Variants in SLC12A8 observed in about 807,000 individuals in gnomAD.
SLC12A8 encodes cation-chloride cotransporter 9.
In SLC12A8, 69 loss-of-function variants were observed where a neutral mutation model predicts 75.6. The ratio of observed to expected loss-of-function variants is 0.91; its 90% CI spans 0.75 to 1.11. SLC12A8 has a LOEUF of 1.11. Among genes scored for constraint, SLC12A8 ranks in the 50% most tolerant of loss-of-function variants. SLC12A8 has a pLI of 0.00. For missense variants in SLC12A8, 877 were observed against 896.7 expected (o/e 0.98, Z 0.28); for synonymous variants, 365 against 372.8 (o/e 0.98, Z 0.24).
chr3:125,184,925 T>C (rs1272448717), intron 4 of SLC12A8, among the ~76,000 whole-genome samples: 2 of 151,962 alleles, frequency 1.3e-5, no homozygotes, highest in African/African-American at 4.8e-5. Context: ...AAATTAGGAA[T>C]GAAAGGGGAG....
chr3:125,179,970 TGTCTCTGACATG>T (rs1934619114), intron 4 of SLC12A8, among the ~76,000 whole-genome samples: 1 of 152,122 alleles, frequency 6.6e-6, no homozygotes, highest in African/African-American at 2.4e-5. Flanking sequence ...AGGTACCTGA[TGTCTCTGACATG>T]CAGAGGATGA....
At chr3:125,085,818 G>A (rs144576034) in intron 13 of SLC12A8, among the ~76,000 whole-genome samples, 2,073 of 151,980 alleles carry the variant, frequency 0.014, 43 homozygotes, top group African/African-American at 0.046. Context: ...CTAAGTGATC[G>A]GCCTGCCTCA....
At chr3:125,134,136 C>T (rs1424477420) in intron 6 of SLC12A8, among the ~76,000 whole-genome samples, 1 of 152,038 alleles carries the variant, frequency 6.6e-6, no homozygotes, top group Non-Finnish European at 1.5e-5. Flanking sequence ...CAGTCTCGCT[C>T]TGTCGCCCAG....
chr3:125,188,033 C>A (rs886918629), intron 3 of SLC12A8, among the ~76,000 whole-genome samples: 1 of 152,102 alleles, frequency 6.6e-6, no homozygotes, highest in Non-Finnish European at 1.5e-5. Context: ...GGATTTGGAT[C>A]CCTTCCAAAT....
rs1230726525 is a variant in SLC12A8 at position 125,191,819 on chromosome 3, A to G, written c.52-1298T>C. Among the ~76,000 whole-genome samples the G allele has an allele frequency of 5.9e-5, 9 of 152,340 alleles. No individual in the cohort carries two copies. In the East Asian group the frequency reaches 1.7e-3, roughly 29 times the overall value. ...TACTCAGGGATCTCAATTCAGCCAC[A>G]TGGGACTGATGGGCCAGGGGACCCC... is the stretch of plus-strand genomic sequence containing the variant. On this transcript the variant is annotated intron_variant, in intron 2 of 13. Coordinates refer to ENST00000469902, the MANE Select transcript of SLC12A8 (RefSeq NM_024628.6).
chr3:125,110,217 A>T lies in SLC12A8; in HGVS notation c.1031T>A (p.Ile344Asn). 1 of 1,613,884 alleles carries T rather than the reference A, an allele frequency of 6.2e-7. No individual in the cohort carries two copies. Among genetic ancestry groups the T allele is most frequent in the African/African-American group, 1.3e-5 (1 of 75,034 alleles). Reference sequence around the variant, plus strand: ...TTGTCCCAGACAGGCAAGTGCAGGGATCACTTTCTCCTGGGCAATGCACTG... The same window carrying T: ...TTGTCCCAGACAGGCAAGTGCAGGGTTCACTTTCTCCTGGGCAATGCACTG... Reference protein sequence around the residue: ...ILQCIAQEKVIPALACLGQGK... With the variant: ...ILQCIAQEKVNPALACLGQGK... Residue 344 changes from isoleucine to asparagine, a missense_variant, in exon 9 of 14, where the codon ATC becomes AAC. By Grantham distance (149) the Ile-to-Asn change is moderately radical (BLOSUM62 -3). Coordinates refer to ENST00000469902, the MANE Select transcript of SLC12A8 (RefSeq NM_024628.6).
chr3:125,186,574 C>A (rs374159449), intron 4 of SLC12A8, among the ~76,000 whole-genome samples: 1 of 152,248 alleles, frequency 6.6e-6, no homozygotes, highest in African/African-American at 2.4e-5. Flanking sequence ...TGACAAAGAA[C>A]TGCTTCTTAA....
At chr3:125,204,666 G>T (rs893974033) in intron 2 of SLC12A8, among the ~76,000 whole-genome samples, 1 of 152,138 alleles carries the variant, frequency 6.6e-6, no homozygotes, top group Non-Finnish European at 1.5e-5. Flanking sequence ...CTATAGCAAA[G>T]AAGGGTAACT....
At chr3:125,135,544 T>A (rs2107760848) in intron 6 of SLC12A8, 125 bp downstream of exon 6, 1 of 533,884 alleles carries the variant, frequency 1.9e-6, no homozygotes, top group Middle Eastern at 4.4e-4. Context: ...TAGTCAAAGC[T>A]AAGCCCATAT....
In SLC12A8 at chr3:125,084,036, G is replaced by T. The variant is rs755252842; in HGVS notation, c.1999C>A (p.Gln667Lys). 5.0e-6 allele frequency: 8 copies of T among 1,611,766 alleles called. No individual in the cohort carries two copies. In the South Asian group the frequency reaches 7.7e-5, roughly 16 times the overall value. ...GACGGCGCCAAGATGATCTGCTCCT[G>T]AGGGGACCGCAAGCTCCTGCAGTGA... ...LPSCRSLRSPQEQIILAPSLA... is the reference protein window; with the variant it reads ...LPSCRSLRSPKEQIILAPSLA... Residue 667 changes from glutamine (Q) to lysine (K), a missense_variant, in exon 14 of 14, where the codon CAG becomes AAG. Transcript: ENST00000469902.
rs1289948866 is a variant in SLC12A8, at chr3:125,199,755, T to A, written c.52-9234A>T. Among the ~76,000 whole-genome samples, 6 of 150,734 alleles carry A rather than the reference T, an allele frequency of 4.0e-5. No individual in the cohort carries two copies. In the East Asian group the frequency reaches 9.8e-4, roughly 25 times the overall value. ...AGCAAGACCTGGTCTCAAAAAAAAA[T>A]AAAATAAAATACATTTTTATAACCA... On this transcript the variant is annotated intron_variant, in intron 2 of 13. Coordinates refer to ENST00000469902, the MANE Select transcript of SLC12A8 (RefSeq NM_024628.6).
intron 5 of SLC12A8, among the ~76,000 whole-genome samples, chr3:125,168,405 C>G (rs1228961417): frequency 6.6e-6 from 1 of 152,182 alleles, no homozygotes; most frequent in South Asian, 2.1e-4. Flanking sequence ...GGTGCCCAGA[C>G]AGCCAGGTAG....
chr3:125,153,981 C>T (rs532742449), intron 5 of SLC12A8, among the ~76,000 whole-genome samples: 4 of 152,314 alleles, frequency 2.6e-5, no homozygotes, highest in African/African-American at 9.6e-5. Context: ...CTCCTGACCT[C>T]AGGTGACCCA....
At position 125,138,286 on chromosome 3, in the gene SLC12A8, C is replaced by T. The variant is rs181760775; in HGVS notation, c.623-2504G>A. On this transcript the variant is annotated intron_variant, in intron 5 of 13. Coordinates refer to ENST00000469902, the MANE Select transcript of SLC12A8 (RefSeq NM_024628.6). ...CGTGATGGGGTGTGCCTGTAGTCCC[C>T]GCTACTCTGGAGGCTGAGGCGAGAG... Among the ~76,000 whole-genome samples the T allele has an allele frequency of 9.1e-4, 139 of 152,096 alleles. No individual in the cohort carries two copies. The Middle Eastern group carries it at 0.02, about 22-fold the overall frequency.
intron 5 of SLC12A8, among the ~76,000 whole-genome samples, chr3:125,152,490 T>G (rs1165527169): frequency 2.6e-5 from 4 of 152,210 alleles, no homozygotes; most frequent in Non-Finnish European, 5.9e-5. Flanking sequence ...GCATTTTTAT[T>G]TCTGCCAGTT....
At chr3:125,132,484 G>A (rs1214190475) in intron 6 of SLC12A8, among the ~76,000 whole-genome samples, 1 of 152,186 alleles carries the variant, frequency 6.6e-6, no homozygotes, top group African/African-American at 2.4e-5. Context: ...CAACTCTTAG[G>A]AGGTAAAATT....
At chr3:125,112,815 A>C (rs2107745777) in intron 8 of SLC12A8, among the ~76,000 whole-genome samples, 1 of 152,312 alleles carries the variant, frequency 6.6e-6, no homozygotes, top group African/African-American at 2.4e-5. Flanking sequence ...CATAAGAATC[A>C]CCCAGAGATT....
chr3:125,137,835 T>C (rs999137684), intron 5 of SLC12A8, among the ~76,000 whole-genome samples: 1 of 152,210 alleles, frequency 6.6e-6, no homozygotes, highest in African/African-American at 2.4e-5. Context: ...CTCGTGGGCC[T>C]GCCTCAGTTG....
In SLC12A8 at chr3:125,088,369, T is replaced by C. The variant is rs1442074663; in HGVS notation, c.1923A>G (p.Gly641=). ...IGRASPGLHL[G]SASNFSFFRW... is the part of the protein sequence containing the mutation. Reference sequence around the variant, plus strand: ...GGAAAAAGCTGAAGTTGGAGGCTGATCCTGCAGGGAAGACATATACATAAC... The same window carrying C: ...GGAAAAAGCTGAAGTTGGAGGCTGACCCTGCAGGGAAGACATATACATAAC... The change falls in exon 13 of 14, where the codon GGA becomes GGG. Residue 641 remains glycine (G), a splice_region_variant and synonymous_variant. Transcript: ENST00000469902. 6.2e-7 allele frequency: 1 copy of C among 1,614,180 alleles called. No homozygotes were observed. Among genetic ancestry groups the C allele is most frequent in the South Asian group, 1.1e-5 (1 of 91,084 alleles).
Sources: gnomAD v4.1 joint callset for allele counts (sites outside exome capture counted in the v4.1 genomes callset) on GRCh38, gnomAD v4.1.1 for gene constraint, MANE v1.5 for transcripts, NCBI Gene and HGNC (gene_info 2026-07-23, HGNC 2026-07-21) for gene names.